The following SDK1 variants were observed in gnomAD, a reference collection of about 807,000 sequenced individuals.
The protein encoded by SDK1 is protein sidekick-1.
SDK1 carries 157 observed loss-of-function variants against 245.5 expected under a neutral mutation model. The observed-to-expected ratio is 0.64, with a 90% CI of 0.56 to 0.73. SDK1 has a LOEUF of 0.73. SDK1 is among the 30% of genes least tolerant of loss of function. SDK1 has a pLI of 0.00. For synonymous variants in SDK1, 1,647 were observed against 1,278.5 expected (o/e 1.29, Z -6.15); for missense variants, 3,583 against 3,002.3 (o/e 1.19, Z -4.52).
At chr7:3,557,727 C>T (rs1779632769) in intron 1 of SDK1, among the ~76,000 whole-genome samples, 1 of 152,106 alleles carries the variant, frequency 6.6e-6, no homozygotes, top group Non-Finnish European at 1.5e-5. Flanking sequence ...CATCCTATAA[C>T]TTGCATGTGA....
At chr7:3,461,889 C>G (rs1780841548) in intron 1 of SDK1, among the ~76,000 whole-genome samples, 1 of 152,116 alleles carries the variant, frequency 6.6e-6, no homozygotes, top group Non-Finnish European at 1.5e-5. Context: ...ATCAATTTAT[C>G]TTTTCCCTTT....
chr7:4,188,214 T>C (rs1161298753), intron 35 of SDK1, among the ~76,000 whole-genome samples: 1 of 152,274 alleles, frequency 6.6e-6, no homozygotes, highest in Non-Finnish European at 1.5e-5. Flanking sequence ...GTTGCATATC[T>C]GTCCTCAAGC....
At chr7:3,692,538 A>G (rs943365452) in intron 4 of SDK1, among the ~76,000 whole-genome samples, 1 of 152,152 alleles carries the variant, frequency 6.6e-6, no homozygotes, top group Non-Finnish European at 1.5e-5. Flanking sequence ...AGCATAAATT[A>G]TTTGTTTATT....
At chr7:3,706,451 G>C (rs796831040) in intron 4 of SDK1, among the ~76,000 whole-genome samples, 4 of 152,284 alleles carry the variant, frequency 2.6e-5, no homozygotes, top group Admixed American at 1.3e-4. Flanking sequence ...ACCCAGGCTG[G>C]AGTGCAGTGG....
At chr7:3,489,247 T>C (rs139006820) in intron 1 of SDK1, among the ~76,000 whole-genome samples, 1 of 152,188 alleles carries the variant, frequency 6.6e-6, no homozygotes, top group Non-Finnish European at 1.5e-5. Context: ...AGTTGAATAC[T>C]TTATTAGCCA....
At chr7:3,339,778 G>A (rs1162833940) in intron 1 of SDK1, among the ~76,000 whole-genome samples, 1 of 152,040 alleles carries the variant, frequency 6.6e-6, no homozygotes, top group Non-Finnish European at 1.5e-5. Context: ...GTTGAAAAGT[G>A]GAAAGGTCTC....
intron 1 of SDK1, among the ~76,000 whole-genome samples, chr7:3,386,713 C>T (rs1459551111): frequency 6.6e-6 from 1 of 152,154 alleles, no homozygotes; most frequent in African/African-American, 2.4e-5. Context: ...GTAGGGAGTG[C>T]AGCTGTACTG....
intron 1 of SDK1, among the ~76,000 whole-genome samples, chr7:3,521,608 C>T (rs978131408): frequency 2.0e-5 from 3 of 152,024 alleles, no homozygotes; most frequent in African/African-American, 7.2e-5. Context: ...ATAGCAAAGG[C>T]CTTATAGAGG....
chr7:3,911,081 A>C (rs746996639), intron 5 of SDK1, among the ~76,000 whole-genome samples: 1 of 152,194 alleles, frequency 6.6e-6, no homozygotes, highest in Non-Finnish European at 1.5e-5. Flanking sequence ...TGGGGGGACT[A>C]GGGTGGCCCG....
In SDK1 at chr7:3,652,628, T is replaced by C. The variant is rs535211071; in HGVS notation, c.713+10523T>C. On this transcript the variant is annotated intron_variant, in intron 4 of 44. Transcript: ENST00000404826. ...TGTGAGAAGAGAGAGTATTAGGTTATCATTCAGACAGTCAGAAGCGAACTA... is the reference window on the plus strand; with the variant it reads ...TGTGAGAAGAGAGAGTATTAGGTTACCATTCAGACAGTCAGAAGCGAACTA... Among the ~76,000 whole-genome samples the C allele has an allele frequency of 2.6e-5, 4 of 152,304 alleles. No individual in the cohort carries two copies. In the South Asian group the frequency reaches 8.3e-4, roughly 32 times the overall value.
intron 5 of SDK1, among the ~76,000 whole-genome samples, chr7:3,902,653 CTGTT>C (rs935103700): frequency 1.3e-5 from 2 of 152,024 alleles, no homozygotes; most frequent in African/African-American, 4.8e-5. Context: ...GATATATAAA[CTGTT>C]AGTATAGTTC....
At chr7:3,523,438 C>T (rs141995331) in intron 1 of SDK1, among the ~76,000 whole-genome samples, 1 of 152,240 alleles carries the variant, frequency 6.6e-6, no homozygotes, top group African/African-American at 2.4e-5. Flanking sequence ...ATTATTAACA[C>T]AGGGTAAGTT....
chr7:3,732,759 A>C (rs980540401), intron 4 of SDK1, among the ~76,000 whole-genome samples: 1 of 152,236 alleles, frequency 6.6e-6, no homozygotes, highest in Non-Finnish European at 1.5e-5. Flanking sequence ...TCAAGATGCC[A>C]TAGCAGCTTC....
intron 1 of SDK1, among the ~76,000 whole-genome samples, chr7:3,413,698 T>C (rs552087013): frequency 6.6e-6 from 1 of 151,822 alleles, no homozygotes; most frequent in African/African-American, 2.4e-5. Context: ...AACAAACAAA[T>C]AAATAAATAA....
intron 25 of SDK1, among the ~76,000 whole-genome samples, chr7:4,123,783 CT>C (rs1437867308): frequency 1.3e-5 from 2 of 152,084 alleles, no homozygotes; most frequent in Admixed American, 1.3e-4. Context: ...TGGGGGTTTT[CT>C]ATTTTGTGGA....
At chr7:3,896,639 C>G (rs1011179651) in intron 5 of SDK1, among the ~76,000 whole-genome samples, 76 of 152,162 alleles carry the variant, frequency 5.0e-4, no homozygotes, top group African/African-American at 1.7e-3. Context: ...GCTGGACACT[C>G]TTTTGTTTTC....
chr7:4,069,675 A>G (rs930537), intron 20 of SDK1, among the ~76,000 whole-genome samples: 11,760 of 152,172 alleles, frequency 0.077, 1,028 homozygotes, highest in African/African-American at 0.21. Flanking sequence ...GCCTCAGGTG[A>G]TCTCTCCCTC....
At chr7:3,713,115 C>T (rs1785096392) in intron 4 of SDK1, among the ~76,000 whole-genome samples, 3 of 152,224 alleles carry the variant, frequency 2.0e-5, no homozygotes, top group African/African-American at 7.2e-5. Flanking sequence ...CAGCGGGGAG[C>T]AGGCTGAAGG....
At chr7:4,185,244 T>A (rs552831012) in intron 35 of SDK1, among the ~76,000 whole-genome samples, 2 of 152,222 alleles carry the variant, frequency 1.3e-5, no homozygotes, top group South Asian at 4.1e-4. Flanking sequence ...CTGGTGGAGG[T>A]ATGGACAGTG....
Sources: gnomAD v4.1 joint callset for allele counts (sites outside exome capture counted in the v4.1 genomes callset) on GRCh38, gnomAD v4.1.1 for gene constraint, MANE v1.5 for transcripts, NCBI Gene and HGNC (gene_info 2026-07-23, HGNC 2026-07-21) for gene names.